The following NEGR1 variants were observed in gnomAD, a reference collection of about 807,000 sequenced individuals.
NEGR1 encodes the protein IgLON family member 4.
A neutral mutation model predicts 40.9 loss-of-function variants in NEGR1; 10 were observed. That is an observed-to-expected ratio of 0.24 (90% CI 0.15 to 0.42). NEGR1 has a LOEUF of 0.42. NEGR1 is among the 10% of genes least tolerant of loss of function. The pLI, the probability that NEGR1 is intolerant of heterozygous loss-of-function variation, is 1.00. For missense variants in NEGR1, 352 were observed against 438.9 expected (o/e 0.80, Z 1.77); for synonymous variants, 185 against 166.8 (o/e 1.11, Z -0.84).
intron 6 of NEGR1, among the ~76,000 whole-genome samples, chr1:71,574,828 C>T (rs1327511319): frequency 1.3e-5 from 2 of 152,126 alleles, no homozygotes; most frequent in South Asian, 2.1e-4. Flanking sequence ...ATGCCTTATT[C>T]GGTGAAGATA....
intron 2 of NEGR1, among the ~76,000 whole-genome samples, chr1:71,814,703 G>C (rs1658134740): frequency 6.6e-6 from 1 of 152,124 alleles, no homozygotes; most frequent in Non-Finnish European, 1.5e-5. Context: ...TTGCACAGAA[G>C]TGTTCATAGT....
At chr1:71,566,413 CT>C (rs950990503) in intron 6 of NEGR1, among the ~76,000 whole-genome samples, 14 of 152,046 alleles carry the variant, frequency 9.2e-5, no homozygotes, top group African/African-American at 2.9e-4. Flanking sequence ...TCTTAGCTAG[CT>C]TTTTAAAAAA....
At chr1:71,731,978 C>A (rs1395751775) in intron 3 of NEGR1, among the ~76,000 whole-genome samples, 1 of 152,104 alleles carries the variant, frequency 6.6e-6, no homozygotes, top group Non-Finnish European at 1.5e-5. Context: ...CAAATTGAAG[C>A]CTCCAGTTTT....
At chr1:71,426,021 A>T (rs982045584) in intron 6 of NEGR1, among the ~76,000 whole-genome samples, 9 of 152,202 alleles carry the variant, frequency 5.9e-5, no homozygotes, top group Admixed American at 5.2e-4. Context: ...TATTTACAGC[A>T]GTTAGTGAAG....
At position 71,685,952 on chromosome 1, in the gene NEGR1, G is replaced by C. The variant is rs953576818; in HGVS notation, c.667+12056C>G. Among the ~76,000 whole-genome samples, 5 of 5,158 alleles carry C rather than the reference G, an allele frequency of 9.7e-4. No homozygotes were observed. The South Asian group carries it at 0.28, about 287-fold the overall frequency. The allele number at this position is 5,158 out of a possible 152,430, so 3.4% of individuals were successfully genotyped here. On this transcript the variant is annotated intron_variant, in intron 4 of 6. Coordinates refer to ENST00000357731, the MANE Select transcript of NEGR1 (RefSeq NM_173808.3). The stretch of plus-strand genomic sequence containing the variant: ...ACTATTGTCAGAAAAGTTTATGTCA[G>C]AGGTTAATGGCCAGATGCTATTTTA...
intron 6 of NEGR1, among the ~76,000 whole-genome samples, chr1:71,410,463 G>T (rs1646312139): frequency 6.6e-6 from 1 of 152,104 alleles, no homozygotes; most frequent in Admixed American, 6.5e-5. Flanking sequence ...GCTTATTCTA[G>T]TTGGGGATAT....
intron 1 of NEGR1, among the ~76,000 whole-genome samples, chr1:72,250,106 T>C (rs1655036539): frequency 1.3e-5 from 2 of 152,170 alleles, no homozygotes; most frequent in African/African-American, 4.8e-5. Context: ...TCTTCCACAG[T>C]TCCATCAATT....
intron 1 of NEGR1, among the ~76,000 whole-genome samples, chr1:71,962,043 C>G (rs61765344): frequency 0.28 from 41,996 of 151,570 alleles, 6,225 homozygotes; most frequent in African/African-American, 0.38. Context: ...GGAAAATGAC[C>G]AACAAAGTTG....
At chr1:71,916,611 C>A (rs1459849726) in intron 2 of NEGR1, among the ~76,000 whole-genome samples, 3 of 148,130 alleles carry the variant, frequency 2.0e-5, no homozygotes, top group Non-Finnish European at 4.4e-5. Context: ...AAAAAATTAG[C>A]CAGGCATAGG....
At chr1:72,086,604 A>AGC (rs1648230436) in intron 1 of NEGR1, among the ~76,000 whole-genome samples, 1 of 152,102 alleles carries the variant, frequency 6.6e-6, no homozygotes, top group East Asian at 1.9e-4. Context: ...TTGTGCTGCA[A>AGC]TTTTTGTTTT....
At chr1:72,231,590 T>C (rs1466689918) in intron 1 of NEGR1, among the ~76,000 whole-genome samples, 2 of 152,276 alleles carry the variant, frequency 1.3e-5, no homozygotes, top group South Asian at 2.1e-4. Flanking sequence ...CTAACCCACG[T>C]TGACATGTGA....
rs71651483 is a variant in NEGR1 at position 71,603,902 on chromosome 1, G to A, written c.788+7124C>T. Among the ~76,000 whole-genome samples the A allele has an allele frequency of 5.3e-3, 806 of 152,254 alleles. 7 individuals are homozygous for A. The highest frequency in any genetic ancestry group is 9.1e-3 in the Non-Finnish European group (622 of 67,982). On this transcript the variant is annotated intron_variant, in intron 5 of 6. Transcript: ENST00000357731. ...TTTTATTTTACTCATGGGAACATAT[G>A]TTTTAAAAAATGTTGCTGATCCCTG...
intron 2 of NEGR1, among the ~76,000 whole-genome samples, chr1:71,829,768 C>T (rs1230087674): frequency 6.6e-6 from 1 of 152,002 alleles, no homozygotes; most frequent in African/African-American, 2.4e-5. Flanking sequence ...GAGATTTTCA[C>T]AGCATACTCT....
intron 6 of NEGR1, among the ~76,000 whole-genome samples, chr1:71,470,476 A>T (rs1242197166): frequency 6.6e-6 from 1 of 152,098 alleles, no homozygotes; most frequent in Non-Finnish European, 1.5e-5. Context: ...TTCTTTAATG[A>T]TATTTATGAA....
intron 3 of NEGR1, among the ~76,000 whole-genome samples, chr1:71,713,634 G>A (rs1457146546): frequency 6.6e-6 from 1 of 152,060 alleles, no homozygotes; most frequent in Admixed American, 6.6e-5. Context: ...AAAGCTTTTG[G>A]ACCTTACTTT....
intron 6 of NEGR1, among the ~76,000 whole-genome samples, chr1:71,499,135 C>A (rs1646983541): frequency 6.6e-6 from 1 of 152,040 alleles, no homozygotes; most frequent in South Asian, 2.1e-4. Flanking sequence ...TTCCATGTGA[C>A]AAAATGAACT....
rs192399359 is a variant in NEGR1 at position 71,652,660 on chromosome 1, G to A, written c.668-41514C>T. Among the ~76,000 whole-genome samples the A allele has an allele frequency of 7.2e-5, 11 of 152,100 alleles. No individual in the cohort carries two copies. In the East Asian group the frequency reaches 1.4e-3, roughly 19 times the overall value. The stretch of plus-strand genomic sequence containing the variant: ...GCCGGTGGATCGCTTGAGCCCAGGC[G>A]TTCGAGACCAGCCTGGACAACATGG... On this transcript the variant is annotated intron_variant, in intron 4 of 6. Coordinates refer to ENST00000357731, the MANE Select transcript of NEGR1 (RefSeq NM_173808.3).
At chr1:71,582,084 A>T (rs1031340817) in intron 6 of NEGR1, among the ~76,000 whole-genome samples, 1 of 152,198 alleles carries the variant, frequency 6.6e-6, no homozygotes, top group African/African-American at 2.4e-5. Context: ...AATATTACTT[A>T]GGAAGACTGA....
chr1:71,609,531 A>C (rs1650180941), intron 5 of NEGR1, among the ~76,000 whole-genome samples: 1 of 110,982 alleles, frequency 9.0e-6, no homozygotes, highest in Non-Finnish European at 1.8e-5. Context: ...AAAAAAAAAA[A>C]AAAAAAAAAA....
Sources: gnomAD v4.1 joint callset for allele counts (sites outside exome capture counted in the v4.1 genomes callset) on GRCh38, gnomAD v4.1.1 for gene constraint, MANE v1.5 for transcripts, NCBI Gene and HGNC (gene_info 2026-07-23, HGNC 2026-07-21) for gene names.